Variants in MPRIP observed in about 807,000 individuals in gnomAD.
MPRIP encodes myosin phosphatase Rho-interacting protein.
A neutral mutation model predicts 234.9 loss-of-function variants in MPRIP; 59 were observed. The observed-to-expected ratio is 0.25, with a 90% CI of 0.20 to 0.31. The LOEUF (loss-of-function observed/expected upper bound fraction) is 0.31. Among genes scored for constraint, MPRIP ranks in the 10% least tolerant of loss-of-function variants. The pLI is 1.00. For synonymous variants in MPRIP, 1,144 were observed against 1,263.9 expected (o/e 0.91, Z 2.01); for missense variants, 2,436 against 3,071.0 (o/e 0.79, Z 4.89).
intron 11 of MPRIP, 109 bp downstream of exon 11, chr17:17,147,496 A>T (rs1050020776): frequency 1.9e-6 from 2 of 1,069,604 alleles, no homozygotes; most frequent in Non-Finnish European, 2.9e-6. Flanking sequence ...ACTTCTGAGG[A>T]CAGCGCCCTT....
Position 17,078,848 on chromosome 17 carries a change from A to G in MPRIP, c.267+772A>G, listed in dbSNP as rs941723071. On this transcript the variant is annotated intron_variant, in intron 3 of 23. Transcript: ENST00000651222. The surrounding 1 kb of genome is among the most constrained non-coding windows in gnomAD (Gnocchi z 4.3). ...TAAAGGGTTGAAGATGCGAGATTTG[A>G]TCGCCTTTTCCAGTTCCACTTGGTG... is the stretch of plus-strand genomic sequence containing the variant. Among the ~76,000 whole-genome samples, 3 of 152,164 alleles carry G rather than the reference A, an allele frequency of 2.0e-5. No homozygotes were observed. The highest frequency in any genetic ancestry group is 7.2e-5 in the African/African-American group (3 of 41,424).
At chr17:17,047,954 G>C (rs1405208611) in intron 1 of MPRIP, among the ~76,000 whole-genome samples, 25 of 152,164 alleles carry the variant, frequency 1.6e-4, no homozygotes, top group Admixed American at 1.6e-3. Context: ...AGCAGGTGCA[G>C]AGGCTGGGAG....
chr17:17,122,925 C>G (rs2090420297), intron 3 of MPRIP, among the ~76,000 whole-genome samples: 1 of 152,162 alleles, frequency 6.6e-6, no homozygotes, highest in African/African-American at 2.4e-5. Flanking sequence ...GGAATGTGCA[C>G]AGCAGCACTA....
rs563251557 is a variant in MPRIP at position 17,066,953 on chromosome 17, G to T, written c.124-8757G>T. The stretch of plus-strand genomic sequence containing the variant: ...ATAATTTTTTTTTGGTAGAAACAGG[G>T]TCTTGTAGTTCCCAGGCTGGTCTCA... On this transcript the variant is annotated intron_variant, in intron 1 of 23. Coordinates refer to ENST00000651222, the MANE Select transcript of MPRIP (RefSeq NM_001364716.4). Among the ~76,000 whole-genome samples the T allele has an allele frequency of 3.3e-5, 5 of 151,406 alleles. 1 individual carries two copies. The South Asian group carries it at 1.0e-3, about 32-fold the overall frequency.
chr17:17,053,471 C>T lies in MPRIP; in HGVS notation c.123+10500C>T, dbSNP rs566379976. 2.7e-3 allele frequency among the ~76,000 whole-genome samples: 412 copies of T among 152,188 alleles called. 1 individual carries two copies. The highest frequency in any genetic ancestry group is 5.1e-3 in the Non-Finnish European group (345 of 68,010). Reference sequence around the variant, plus strand: ...TGGTGGGTGCTTAGTAAATGGGGTCCGTTTTATCAGCAATAAACCATGTAG... The same window carrying T: ...TGGTGGGTGCTTAGTAAATGGGGTCTGTTTTATCAGCAATAAACCATGTAG... On this transcript the variant is annotated intron_variant, in intron 1 of 23. Transcript: ENST00000651222.
chr17:17,097,629 T>C (rs1010961175), intron 3 of MPRIP, among the ~76,000 whole-genome samples: 1 of 152,202 alleles, frequency 6.6e-6, no homozygotes, highest in African/African-American at 2.4e-5. Flanking sequence ...CCAAGTTGTT[T>C]TCAGATTTTT....
At chr17:17,061,956 G>A (rs917137866) in intron 1 of MPRIP, among the ~76,000 whole-genome samples, 10 of 152,042 alleles carry the variant, frequency 6.6e-5, no homozygotes, top group African/African-American at 2.4e-4. Context: ...GGGTATGCTT[G>A]TGTCTGACAT....
At chr17:17,095,851 C>G (rs943293415) in intron 3 of MPRIP, among the ~76,000 whole-genome samples, 1 of 152,166 alleles carries the variant, frequency 6.6e-6, no homozygotes, top group Non-Finnish European at 1.5e-5. Context: ...GCCAGCCTGC[C>G]TCCTCCTAGC....
chr17:17,136,242 T>G lies in MPRIP; in HGVS notation c.528T>G (p.Ala176=), dbSNP rs1397435882. 4.4e-6 allele frequency: 7 copies of G among 1,590,486 alleles called. No homozygotes were observed. The highest frequency in any genetic ancestry group is 1.5e-5 in the African/African-American group (1 of 67,376). Reference sequence around the variant, plus strand: ...AGGAGCCTGGGCCTGCCAAGGTGGCTGTTACCAGCAGCAGCAGCAGCAGCA... The same window carrying G: ...AGGAGCCTGGGCCTGCCAAGGTGGCGGTTACCAGCAGCAGCAGCAGCAGCA... The part of the protein sequence containing the change: ...TPQEPGPAKV[A]VTSSSSSSSS... Residue 176 remains alanine, a synonymous_variant, in exon 6 of 24, where the codon GCT becomes GCG. Transcript: ENST00000651222.
At chr17:17,135,092 C>T (rs1191197959) in intron 5 of MPRIP, among the ~76,000 whole-genome samples, 1 of 152,216 alleles carries the variant, frequency 6.6e-6, no homozygotes, top group Non-Finnish European at 1.5e-5. Context: ...GGAGAGGGGC[C>T]AAAGCCATCC....
chr17:17,071,091 C>G (rs1382927643), intron 1 of MPRIP, among the ~76,000 whole-genome samples: 1 of 152,180 alleles, frequency 6.6e-6, no homozygotes, highest in Non-Finnish European at 1.5e-5. Context: ...AAGAAGGGTC[C>G]TCGTTGCTGT....
chr17:17,158,855 C>T lies in MPRIP; in HGVS notation c.2253C>T (p.His751=), dbSNP rs1275874753. The T allele has an allele frequency of 8.7e-6, 14 of 1,611,846 alleles. No homozygotes were observed. In the Middle Eastern group the frequency reaches 5.9e-4, roughly 68 times the overall value. ...GCGACCTCAAAACGCATAACGTCCA[C>T]GTGGAGATTGAGCAGCGGTGGCATC... ...PMSDLKTHNV[H]VEIEQRWHQV... The change falls in exon 14 of 24, where the codon CAC becomes CAT. Residue 751 remains histidine, a synonymous_variant. Transcript: ENST00000651222.
At position 17,187,298 on chromosome 17, in the gene MPRIP, G is replaced by GC. The variant is rs11409817; in HGVS notation, c.*2405dup. The stretch of plus-strand genomic sequence containing the variant: ...CATGTGAGGGGTCAGAGACAGGCCA[G>GC]CAGGGCGTCTGCATTCCTCCCTGCC... On this transcript the variant is annotated 3_prime_UTR_variant, in exon 24 of 24. Transcript: ENST00000651222. 0.087 allele frequency: 13,325 copies of GC among 152,308 alleles called. 814 individuals are homozygous for GC. Among genetic ancestry groups the GC allele is most frequent in the East Asian group, 0.18 (938 of 5,182 alleles). The allele number at this position is 152,308 out of a possible 1,614,324, so 9.4% of individuals were successfully genotyped here. A position where few individuals can be genotyped will look rare whatever the true frequency, so the allele number is the denominator to read the frequency against.
intron 3 of MPRIP, among the ~76,000 whole-genome samples, chr17:17,104,336 G>A (rs900779066): frequency 4.6e-5 from 7 of 152,224 alleles, no homozygotes; most frequent in East Asian, 3.8e-4. Flanking sequence ...CTGCATGACC[G>A]TGGGGTGCTG....
chr17:17,132,378 C>G (rs569431804), intron 5 of MPRIP, among the ~76,000 whole-genome samples: 3 of 152,346 alleles, frequency 2.0e-5, no homozygotes, highest in African/African-American at 7.2e-5. Context: ...GCTGCCTAAT[C>G]GCCAAGATTG....
intron 17 of MPRIP, 34 bp downstream of exon 17, chr17:17,171,899 G>A (rs1045156564): frequency 2.5e-6 from 4 of 1,586,674 alleles, no homozygotes; most frequent in African/African-American, 2.7e-5. Flanking sequence ...GGGCAGGGTG[G>A]GTGGCCAGCT....
At position 17,184,818 on chromosome 17, in the gene MPRIP, C is replaced by T. The variant is rs1463282654; in HGVS notation, c.7207-5C>T. On this transcript the variant is annotated splice_region_variant and splice_polypyrimidine_tract_variant and intron_variant, in intron 23 of 23. Transcript: ENST00000651222. Reference sequence around the variant, plus strand: ...ATTTTCTCCTCCTGCTCTGTCTCTACCCAGAGTCTGAAGGAAGGCCTGACG... The same window carrying T: ...ATTTTCTCCTCCTGCTCTGTCTCTATCCAGAGTCTGAAGGAAGGCCTGACG... 1 of 1,610,760 alleles carries T rather than the reference C, an allele frequency of 6.2e-7. No individual in the cohort carries two copies. Among genetic ancestry groups the T allele is most frequent in the Non-Finnish European group, 8.5e-7 (1 of 1,177,520 alleles).
intron 8 of MPRIP, among the ~76,000 whole-genome samples, chr17:17,143,269 A>G (rs1001582288): frequency 6.6e-6 from 1 of 152,296 alleles, no homozygotes; most frequent in Admixed American, 6.5e-5. Flanking sequence ...CACAGAGCCC[A>G]GGGCTCTTCC....
chr17:17,091,040 G>A (rs542895485), intron 3 of MPRIP, among the ~76,000 whole-genome samples: 14 of 151,370 alleles, frequency 9.2e-5, no homozygotes, highest in African/African-American at 3.2e-4. Flanking sequence ...AGGGCCAGGA[G>A]TCCTCTTGGC....
Sources: allele counts gnomAD v4.1 joint callset (sites outside exome capture counted in the v4.1 genomes callset), GRCh38; gene constraint gnomAD v4.1.1; non-coding constraint Gnocchi (gnomAD v3.1); transcripts MANE v1.5; gene names NCBI Gene and HGNC (gene_info 2026-07-23, HGNC 2026-07-21).